Variants in UNKL observed in about 807,000 individuals in gnomAD.
The protein encoded by UNKL is unk like zinc finger.
A neutral mutation model predicts 78.0 loss-of-function variants in UNKL; 60 were observed. The observed-to-expected ratio is 0.77, with a 90% CI of 0.63 to 0.95. The LOEUF is 0.95. Ranked by LOEUF, UNKL falls within the 40% of genes least tolerant of loss-of-function variation. UNKL has a pLI of 0.00. For synonymous variants in UNKL, 608 were observed against 474.8 expected, an observed-to-expected ratio of 1.28 and a Z score of -3.65; for missense variants, 1,159 against 1,045.7, an observed-to-expected ratio of 1.11 and a Z score of -1.49.
At chr16:1,391,907 C>T (rs949715015) in intron 8 of UNKL, among the ~76,000 whole-genome samples, 18 of 152,112 alleles carry the variant, frequency 1.2e-4, no homozygotes, top group African/African-American at 2.4e-5. Context: ...AGGCCGGTCT[C>T]GAACTCCTGA....
At position 1,399,976 on chromosome 16, in the gene UNKL, G is replaced by C. The variant is rs1204803522; in HGVS notation, c.599-467C>G. Among the ~76,000 whole-genome samples the C allele has an allele frequency of 6.6e-6, 1 of 152,200 alleles. No homozygotes were observed. ...CTGGGTGACAAGCACACATCAGTGT[G>C]GGTTCACTGTTGGTAAAGAGCGTAC... On this transcript the variant is annotated intron_variant, in intron 4 of 14. Coordinates refer to ENST00000389221, the MANE Select transcript of UNKL (RefSeq NM_001372107.1). This position sits in a 1 kb window ranked among gnomAD's most constrained non-coding sequence, Gnocchi z 5.8.
At chr16:1,368,207 A>G (rs113230871) in intron 12 of UNKL, 308 of 356,454 alleles carry the variant, frequency 8.6e-4, no homozygotes, top group African/African-American at 6.1e-3. Context: ...GGAACCCCTC[A>G]CACACTGAGA....
At chr16:1,378,908 C>T (rs1012934017) in intron 10 of UNKL, 1 of 152,494 alleles carries the variant, frequency 6.6e-6, no homozygotes, top group African/African-American at 2.4e-5. Context: ...TTCTCCCCCA[C>T]CTCACCTCAC....
In UNKL at chr16:1,365,179, G is replaced by C. The variant is rs2035144865; in HGVS notation, c.*1061C>G. On this transcript the variant is annotated 3_prime_UTR_variant, in exon 15 of 15. Coordinates refer to ENST00000389221, the MANE Select transcript of UNKL (RefSeq NM_001372107.1). Reference sequence around the variant, plus strand: ...AGGCCAATTTTTGTATTTTTACTAAGACGGGGTTGCACCATGTTGGCCAGG... The same window carrying C: ...AGGCCAATTTTTGTATTTTTACTAACACGGGGTTGCACCATGTTGGCCAGG... The C allele has an allele frequency of 6.6e-6, 1 of 152,102 alleles. No individual in the cohort carries two copies. Among genetic ancestry groups the C allele is most frequent in the Non-Finnish European group, 1.5e-5 (1 of 68,048 alleles). 9.4% of individuals were successfully genotyped at this position (152,102 alleles called of 1,614,324 possible).
chr16:1,369,848 GCCTGTAGTC>G (rs1567200497), intron 12 of UNKL: 1 of 1,180,262 alleles, frequency 8.5e-7, no homozygotes, highest in African/African-American at 1.5e-5. Flanking sequence ...GGTGGCGCCC[GCCTGTAGTC>G]CCAGCTACTT....
At chr16:1,398,897 T>G (rs1383492718) in intron 5 of UNKL, 2 of 1,572,200 alleles carry the variant, frequency 1.3e-6, no homozygotes, top group Non-Finnish European at 1.7e-6. Context: ...CCTTGGGTTG[T>G]TGGCCCTGGG....
rs753778292 is a variant in UNKL at position 1,399,366 on chromosome 16, A to T, written c.734+8T>A. ...CGGAGTCCTCTGAGCACGGTCCCGC[A>T]GGCTCACCTGTACTGGAACCGCCGG... On this transcript the variant is annotated splice_region_variant and intron_variant, in intron 5 of 14. Transcript: ENST00000389221. The surrounding 1 kb of genome is among the most constrained non-coding windows in gnomAD (Gnocchi z 5.8). 2.5e-6 allele frequency: 4 copies of T among 1,578,590 alleles called. No individual in the cohort carries two copies. The South Asian group carries it at 4.5e-5, about 18-fold the overall frequency.
chr16:1,376,370 C>A (rs988694281), intron 10 of UNKL, among the ~76,000 whole-genome samples: 8 of 149,516 alleles, frequency 5.4e-5, no homozygotes, highest in Non-Finnish European at 8.9e-5. Context: ...GCTCCTCTTC[C>A]CTCCTCCCTC....
At chr16:1,377,497 C>A (rs2036324027) in intron 10 of UNKL, among the ~76,000 whole-genome samples, 1 of 151,722 alleles carries the variant, frequency 6.6e-6, no homozygotes, top group Admixed American at 6.6e-5. Flanking sequence ...GAGACCCCCC[C>A]TCTGCCTCCA....
intron 9 of UNKL, among the ~76,000 whole-genome samples, chr16:1,389,730 C>A (rs1399912040): frequency 2.0e-5 from 3 of 152,190 alleles, no homozygotes; most frequent in Admixed American, 6.5e-5. Flanking sequence ...CATCTGCACC[C>A]GGGGGGCCTC....
chr16:1,398,679 G>GCGGGGCCC, intron 5 of UNKL: 2 of 1,356,276 alleles, frequency 1.5e-6, no homozygotes, highest in Non-Finnish European at 9.5e-7. Context: ...TGTGGGGTCT[G>GCGGGGCCC]CACCCCCCCA....
chr16:1,384,564 C>T (rs2036735240), intron 10 of UNKL, among the ~76,000 whole-genome samples: 1 of 151,776 alleles, frequency 6.6e-6, no homozygotes, highest in Non-Finnish European at 1.5e-5. Context: ...CCATCACTGT[C>T]CCCCACCCTC....
chr16:1,407,506 C>G (rs551961428), intron 2 of UNKL, among the ~76,000 whole-genome samples: 1 of 151,944 alleles, frequency 6.6e-6, no homozygotes, highest in Non-Finnish European at 1.5e-5. Flanking sequence ...CCCAGGAGTT[C>G]GAAACCAGCA....
At chr16:1,400,931 T>C (rs1440125809) in intron 4 of UNKL, among the ~76,000 whole-genome samples, 5 of 152,164 alleles carry the variant, frequency 3.3e-5, no homozygotes, top group Non-Finnish European at 4.4e-5. Context: ...TCAAGTGATC[T>C]GCCCGCCTCG....
chr16:1,388,011 C>T (rs1318866784), intron 9 of UNKL, among the ~76,000 whole-genome samples: 3 of 152,136 alleles, frequency 2.0e-5, no homozygotes, highest in South Asian at 2.1e-4. Flanking sequence ...CCCCTGTGGG[C>T]GTCTCAGTCC....
At chr16:1,378,293 C>T (rs946702446) in intron 10 of UNKL, among the ~76,000 whole-genome samples, 5 of 152,222 alleles carry the variant, frequency 3.3e-5, no homozygotes, top group African/African-American at 1.2e-4. Context: ...TGATGACGGG[C>T]AGGGCCAAGC....
chr16:1,405,760 C>G (rs549712966), intron 2 of UNKL: 4 of 341,746 alleles, frequency 1.2e-5, no homozygotes, highest in African/African-American at 2.1e-5. Context: ...CCGAGACAAT[C>G]AGTGAGCAGA....
intron 9 of UNKL, among the ~76,000 whole-genome samples, chr16:1,388,908 T>C (rs2036928535): frequency 6.6e-6 from 1 of 152,174 alleles, no homozygotes; most frequent in Non-Finnish European, 1.5e-5. Context: ...TAGTGAAATA[T>C]AATATAAAAT....
intron 4 of UNKL, 177 bp downstream of exon 4, chr16:1,401,391 C>T (rs1449885441): frequency 2.5e-6 from 2 of 795,054 alleles, no homozygotes; most frequent in Non-Finnish European, 3.5e-6. Flanking sequence ...GCCCAAATCC[C>T]ACTCGGCACC....
Sources: allele counts gnomAD v4.1 joint callset (sites outside exome capture counted in the v4.1 genomes callset), GRCh38; gene constraint gnomAD v4.1.1; non-coding constraint Gnocchi (gnomAD v3.1); transcripts MANE v1.5; gene names NCBI Gene and HGNC (gene_info 2026-07-23, HGNC 2026-07-21).